FHIT: variants seen among roughly 807,000 people sequenced by gnomAD.
The protein encoded by FHIT is fragile histidine triad diadenosine triphosphatase.
In FHIT, 19 loss-of-function variants were observed where a neutral mutation model predicts 17.9. The ratio of observed to expected loss-of-function variants is 1.06; its 90% CI spans 0.74 to 1.56. The LOEUF (loss-of-function observed/expected upper bound fraction) is 1.56, where lower values mean the gene tolerates loss of function less well. FHIT is among the 40% of genes most tolerant of loss of function. The pLI is 0.00. For missense variants in FHIT, 248 were observed against 189.2 expected (o/e 1.31, Z -1.82); for synonymous variants, 81 against 69.7 (o/e 1.16, Z -0.81).
intron 8 of FHIT, among the ~76,000 whole-genome samples, chr3:59,891,315 G>A (rs150411179): frequency 6.6e-6 from 1 of 152,322 alleles, no homozygotes; most frequent in Non-Finnish European, 1.5e-5. Flanking sequence ...ACCAGGAAAA[G>A]CATGATATGG....
chr3:61,202,321 C>T (rs1560067456), intron 1 of FHIT, among the ~76,000 whole-genome samples: 1 of 151,182 alleles, frequency 6.6e-6, no homozygotes, highest in Non-Finnish European at 1.5e-5. Context: ...AGGAGCGCCT[C>T]TGCTCGGCAG....
intron 7 of FHIT, among the ~76,000 whole-genome samples, chr3:59,935,224 G>GAA (rs1193690578): frequency 8.5e-5 from 13 of 152,286 alleles, no homozygotes; most frequent in East Asian, 1.9e-4. Flanking sequence ...GTTTCAAAAT[G>GAA]ACTTTTAGGA....
chr3:59,962,090 T>C (rs908924742), intron 7 of FHIT, among the ~76,000 whole-genome samples: 1 of 152,198 alleles, frequency 6.6e-6, no homozygotes, highest in African/African-American at 2.4e-5. Context: ...CATAGAGATG[T>C]TCCATTGGAA....
intron 5 of FHIT, among the ~76,000 whole-genome samples, chr3:60,104,299 T>C (rs1201234905): frequency 6.6e-6 from 1 of 152,176 alleles, no homozygotes; most frequent in African/African-American, 2.4e-5. Context: ...AACTCTGTGC[T>C]AGAACCTGCT....
chr3:60,431,223 A>T (rs1474187580), intron 5 of FHIT, among the ~76,000 whole-genome samples: 1 of 152,040 alleles, frequency 6.6e-6, no homozygotes, highest in Admixed American at 6.6e-5. Context: ...AAGAAAAAAA[A>T]AAAAAAGAAT....
chr3:59,823,519 A>G (rs1263233145), intron 8 of FHIT, among the ~76,000 whole-genome samples: 16 of 152,142 alleles, frequency 1.1e-4, no homozygotes, highest in Admixed American at 8.5e-4. Context: ...TGGGTTTCAT[A>G]CCAGGGATAC....
At chr3:59,750,005 A>G (rs1221887604) in intron 9 of FHIT, 6 of 222,888 alleles carry the variant, frequency 2.7e-5, no homozygotes, top group Non-Finnish European at 5.4e-5. Flanking sequence ...TTTAAAGAGA[A>G]ATACACATGT....
intron 5 of FHIT, among the ~76,000 whole-genome samples, chr3:60,378,018 T>TTTTG (rs763657689): frequency 3.0e-4 from 45 of 152,132 alleles, no homozygotes; most frequent in Admixed American, 7.9e-4. Flanking sequence ...GAGACTATTA[T>TTTTG]TTTGTTTGTT....
At chr3:59,981,501 G>A (rs752366946) in intron 7 of FHIT, among the ~76,000 whole-genome samples, 5 of 152,050 alleles carry the variant, frequency 3.3e-5, no homozygotes, top group Non-Finnish European at 5.9e-5. Flanking sequence ...CCATCAGTGG[G>A]GACGTGAAAA....
intron 5 of FHIT, among the ~76,000 whole-genome samples, chr3:60,334,152 T>C (rs1710123595): frequency 6.6e-6 from 1 of 152,212 alleles, no homozygotes; most frequent in African/African-American, 2.4e-5. Context: ...CCCTGGTGTT[T>C]CAGTAACCAT....
intron 5 of FHIT, among the ~76,000 whole-genome samples, chr3:60,501,126 C>G (rs2034508519): frequency 6.6e-6 from 1 of 152,010 alleles, no homozygotes; most frequent in Admixed American, 6.6e-5. Context: ...AATTAGTGGG[C>G]AAAAAACTGA....
chr3:60,961,342 T>C (rs181530935), intron 3 of FHIT, among the ~76,000 whole-genome samples: 1 of 152,228 alleles, frequency 6.6e-6, no homozygotes, highest in Non-Finnish European at 1.5e-5. Flanking sequence ...CTTTGTCAGA[T>C]GCGTACATTG....
At chr3:60,001,185 A>T (rs1291120504) in intron 7 of FHIT, among the ~76,000 whole-genome samples, 1 of 152,224 alleles carries the variant, frequency 6.6e-6, no homozygotes, top group Non-Finnish European at 1.5e-5. Flanking sequence ...AGAAGACAAT[A>T]CACTGAGAGT....
At chr3:61,216,059 T>A (rs541356515) in intron 1 of FHIT, among the ~76,000 whole-genome samples, 3 of 152,146 alleles carry the variant, frequency 2.0e-5, no homozygotes, top group South Asian at 4.2e-4. Flanking sequence ...AACCTAGGCA[T>A]TACCATTCAG....
intron 5 of FHIT, among the ~76,000 whole-genome samples, chr3:60,499,882 T>C (rs1576766517): frequency 6.7e-6 from 1 of 149,510 alleles, no homozygotes; most frequent in African/African-American, 2.4e-5. Context: ...CTCTCAATCA[T>C]ACTCTTCTTT....
intron 4 of FHIT, among the ~76,000 whole-genome samples, chr3:60,703,843 A>T (rs572895631): frequency 6.6e-6 from 1 of 152,132 alleles, no homozygotes; most frequent in African/African-American, 2.4e-5. Flanking sequence ...CTAGTGGTAC[A>T]TGTTTAATAA....
At position 59,920,026 on chromosome 3, in the gene FHIT, A is replaced by G. The variant is rs1392804626; in HGVS notation, c.348+2320T>C. Among the ~76,000 whole-genome samples, 3 of 152,346 alleles carry G rather than the reference A, an allele frequency of 2.0e-5. No homozygotes were observed. In the East Asian group the frequency reaches 5.8e-4, roughly 29 times the overall value. Reference sequence around the variant, plus strand: ...GTTAAAGGCAAAGAGAAAATTGGGAATCTCACCCTTGGAAAGAATGGTAGA... The same window carrying G: ...GTTAAAGGCAAAGAGAAAATTGGGAGTCTCACCCTTGGAAAGAATGGTAGA... On this transcript the variant is annotated intron_variant, in intron 8 of 9. Coordinates refer to ENST00000492590, the MANE Select transcript of FHIT (RefSeq NM_002012.4).
At chr3:60,741,984 C>A (rs528092484) in intron 4 of FHIT, among the ~76,000 whole-genome samples, 1 of 152,186 alleles carries the variant, frequency 6.6e-6, no homozygotes, top group Non-Finnish European at 1.5e-5. Flanking sequence ...ACTCAGGAAG[C>A]TTTACTTAAT....
intron 5 of FHIT, among the ~76,000 whole-genome samples, chr3:60,036,706 C>T (rs1375773501): frequency 6.6e-6 from 1 of 152,096 alleles, no homozygotes; most frequent in African/African-American, 2.4e-5. Flanking sequence ...TAGCTGTATT[C>T]AGGGTGCATA....
Sources: gnomAD v4.1 joint callset for allele counts (sites outside exome capture counted in the v4.1 genomes callset) on GRCh38, gnomAD v4.1.1 for gene constraint, MANE v1.5 for transcripts, NCBI Gene and HGNC (gene_info 2026-07-23, HGNC 2026-07-21) for gene names.